Variants in DOCK8 observed in about 807,000 individuals in gnomAD.
DOCK8 encodes the protein dedicator of cytokinesis 8.
DOCK8 carries 141 observed loss-of-function variants against 245.6 expected under a neutral mutation model. That is an observed-to-expected ratio of 0.57 (90% CI 0.50 to 0.66). The LOEUF (loss-of-function observed/expected upper bound fraction) is 0.66. Among genes scored for constraint, DOCK8 ranks in the 30% least tolerant of loss-of-function variants. The probability of loss-of-function intolerance (pLI) is 0.00; values close to 1 mark genes in which losing one functional copy is unlikely to be tolerated. For missense variants in DOCK8, 2,965 were observed against 2,603.4 expected (o/e 1.14, Z -3.02); for synonymous variants, 1,168 against 970.2 (o/e 1.20, Z -3.79).
chr9:420,196 G>A (rs2056216111), intron 30 of DOCK8: 4 of 635,684 alleles, frequency 6.3e-6, no homozygotes, highest in African/African-American at 1.8e-5. Context: ...CCTCTTTGCT[G>A]AGTAGCGCTA....
chr9:222,608 C>G (rs1010324814), intron 1 of DOCK8, among the ~76,000 whole-genome samples: 2 of 152,160 alleles, frequency 1.3e-5, no homozygotes, highest in Non-Finnish European at 2.9e-5. Flanking sequence ...TGTTTAGCTT[C>G]TCTCCTAGGT....
chr9:413,879 C>T (rs779196056), intron 28 of DOCK8, among the ~76,000 whole-genome samples: 15 of 152,212 alleles, frequency 9.9e-5, no homozygotes, highest in Non-Finnish European at 2.1e-4. Context: ...CGGCGGCTCA[C>T]GCCTATAATC....
chr9:366,237 T>C (rs1052821531), intron 14 of DOCK8: 1 of 153,098 alleles, frequency 6.5e-6, no homozygotes, highest in African/African-American at 2.4e-5. Flanking sequence ...TTGAGTATTG[T>C]CACATATCAG....
intron 1 of DOCK8, among the ~76,000 whole-genome samples, chr9:245,799 A>G (rs183848305): frequency 2.6e-5 from 4 of 152,222 alleles, no homozygotes; most frequent in African/African-American, 9.6e-5. Flanking sequence ...CAGAATAGAG[A>G]TGCAAACCAA....
intron 13 of DOCK8, 144 bp from the exon 14 acceptor site, chr9:340,015 C>T: frequency 1.3e-6 from 1 of 793,234 alleles, no homozygotes. Flanking sequence ...TTTTCTCAAG[C>T]TGTAGGAAAT....
chr9:235,081 G>A (rs928857366), intron 1 of DOCK8, among the ~76,000 whole-genome samples: 1 of 152,066 alleles, frequency 6.6e-6, no homozygotes, highest in Non-Finnish European at 1.5e-5. Flanking sequence ...TTTTGGTGTG[G>A]ATGTCCTTTC....
At chr9:334,844 G>C (rs535640602) in intron 11 of DOCK8, among the ~76,000 whole-genome samples, 3 of 152,148 alleles carry the variant, frequency 2.0e-5, no homozygotes, top group African/African-American at 7.2e-5. Flanking sequence ...CACTTTGGGA[G>C]GCCGAGGTAG....
At chr9:432,086 T>G in intron 36 of DOCK8, 80 bp from the exon 37 acceptor site, 1 of 1,476,830 alleles carries the variant, frequency 6.8e-7, no homozygotes, top group East Asian at 2.3e-5. Flanking sequence ...GTTGTTTGTG[T>G]CTGGCCATGC....
intron 28 of DOCK8, among the ~76,000 whole-genome samples, chr9:410,979 A>G (rs2055695966): frequency 1.3e-5 from 2 of 152,250 alleles, no homozygotes; most frequent in Non-Finnish European, 2.9e-5. Context: ...AACCTAGATT[A>G]AATGGATAAA....
chr9:355,882 G>A (rs900804469), intron 14 of DOCK8, among the ~76,000 whole-genome samples: 1 of 152,156 alleles, frequency 6.6e-6, no homozygotes, highest in African/African-American at 2.4e-5. Flanking sequence ...GGTCACTGTA[G>A]CTATGGAAAG....
intron 1 of DOCK8, among the ~76,000 whole-genome samples, chr9:262,349 A>G (rs1026594704): frequency 2.6e-5 from 4 of 151,842 alleles, no homozygotes; most frequent in African/African-American, 4.8e-5. Context: ...GAAAGAATGT[A>G]TCCATATAAA....
At chr9:333,436 C>G (rs1203088764) in intron 10 of DOCK8, among the ~76,000 whole-genome samples, 2 of 151,690 alleles carry the variant, frequency 1.3e-5, no homozygotes, top group Non-Finnish European at 2.9e-5. Context: ...CCCGTCTCTG[C>G]TAAAAATACA....
At chr9:234,711 C>A (rs1474934419) in intron 1 of DOCK8, among the ~76,000 whole-genome samples, 1 of 152,196 alleles carries the variant, frequency 6.6e-6, no homozygotes, top group African/African-American at 2.4e-5. Flanking sequence ...CTTCTGCATT[C>A]ATCACGTAGC....
In DOCK8 at chr9:420,575, G is replaced by T; in HGVS notation, c.4015G>T (p.Glu1339Ter). 1 of 1,614,114 alleles carries T rather than the reference G, an allele frequency of 6.2e-7. No individual in the cohort carries two copies. The highest frequency in any genetic ancestry group is 8.5e-7 in the Non-Finnish European group (1 of 1,180,052). ...ACTTTTCATCTGTGTGTTATGTTTT[G>T]AGTATAAGGTAAGTCTGGAGTGGCA... ...DLLFICVLCF[E>*]YKGKQSSDKV... is the part of the protein sequence containing the mutation. Residue 1339 changes from glutamate to a stop codon, truncating the protein, a stop_gained, in exon 31 of 48, where the codon GAG becomes TAG. Coordinates refer to ENST00000432829, the MANE Select transcript of DOCK8 (RefSeq NM_203447.4). LOFTEE classifies it high-confidence loss of function.
At chr9:307,688 A>G (rs1468357961) in intron 5 of DOCK8, among the ~76,000 whole-genome samples, 3 of 152,068 alleles carry the variant, frequency 2.0e-5, no homozygotes, top group African/African-American at 7.2e-5. Flanking sequence ...CAACTTGATC[A>G]TATGATCCAG....
At chr9:248,026 A>G (rs1283800956) in intron 1 of DOCK8, among the ~76,000 whole-genome samples, 1 of 152,102 alleles carries the variant, frequency 6.6e-6, no homozygotes, top group Admixed American at 6.5e-5. Flanking sequence ...AAGCTGAGCA[A>G]ACTTTGTGTT....
At chr9:404,398 G>A (rs2055316496) in intron 26 of DOCK8, among the ~76,000 whole-genome samples, 2 of 152,012 alleles carry the variant, frequency 1.3e-5, no homozygotes, top group East Asian at 1.9e-4. Context: ...CAGGTACTAT[G>A]TACTTTGCTA....
chr9:221,911 A>G (rs1248989044), intron 1 of DOCK8, among the ~76,000 whole-genome samples: 1 of 151,908 alleles, frequency 6.6e-6, no homozygotes, highest in Non-Finnish European at 1.5e-5. Flanking sequence ...AATCCTGTTG[A>G]TTAGATGTAA....
chr9:366,627 A>C (rs1170473787), intron 14 of DOCK8: 1 of 152,250 alleles, frequency 6.6e-6, no homozygotes, highest in African/African-American at 2.4e-5. Context: ...GAAAGGATAA[A>C]TAAATGAAAG....
Sources: allele counts gnomAD v4.1 joint callset (sites outside exome capture counted in the v4.1 genomes callset), GRCh38; gene constraint gnomAD v4.1.1; transcripts MANE v1.5; gene names NCBI Gene and HGNC (gene_info 2026-07-23, HGNC 2026-07-21).